GAREM1: variants seen among roughly 807,000 people sequenced by gnomAD.
The protein encoded by GAREM1 is GRB2-associated and regulator of MAPK protein 1.
A neutral mutation model predicts 71.3 loss-of-function variants in GAREM1; 26 were observed. That is an observed-to-expected ratio of 0.36 (90% CI 0.27 to 0.51). The LOEUF (loss-of-function observed/expected upper bound fraction) is 0.51, where lower values mean the gene tolerates loss of function less well. Ranked by LOEUF, GAREM1 falls within the 20% of genes least tolerant of loss-of-function variation. The probability of loss-of-function intolerance (pLI) is 0.95; values close to 1 mark genes in which losing one functional copy is unlikely to be tolerated. For missense variants in GAREM1, 1,026 were observed against 1,103.1 expected, an observed-to-expected ratio of 0.93 and a Z score of 0.99; for synonymous variants, 440 against 433.2, an observed-to-expected ratio of 1.02 and a Z score of -0.20.
At chr18:32,369,435 T>TACA (rs2047955991) in intron 2 of GAREM1, among the ~76,000 whole-genome samples, 4 of 152,196 alleles carry the variant, frequency 2.6e-5, no homozygotes, top group African/African-American at 9.7e-5. Context: ...TAAAAATGTG[T>TACA]ACATTTTATA....
At chr18:32,418,526 T>G (rs189930045) in intron 1 of GAREM1, among the ~76,000 whole-genome samples, 1 of 152,216 alleles carries the variant, frequency 6.6e-6, no homozygotes, top group East Asian at 1.9e-4. Context: ...TCACCAAGAA[T>G]TAACTCAGTA....
intron 2 of GAREM1, among the ~76,000 whole-genome samples, chr18:32,384,018 C>G (rs769238323): frequency 6.6e-6 from 1 of 152,128 alleles, no homozygotes; most frequent in Non-Finnish European, 1.5e-5. Flanking sequence ...CTCATATTCT[C>G]CCTTTCCATA....
At chr18:32,304,248 A>G (rs889617497) in intron 3 of GAREM1, among the ~76,000 whole-genome samples, 27 of 152,042 alleles carry the variant, frequency 1.8e-4, no homozygotes, top group Admixed American at 1.8e-3. Context: ...TGGGGGTTGC[A>G]GTGAGCTGAG....
At chr18:32,444,070 C>A (rs915732714) in intron 1 of GAREM1, among the ~76,000 whole-genome samples, 7 of 152,000 alleles carry the variant, frequency 4.6e-5, no homozygotes, top group Non-Finnish European at 8.8e-5. Flanking sequence ...GTAGGCAAAT[C>A]TACATGGACA....
intron 2 of GAREM1, chr18:32,331,627 G>A (rs748832934): frequency 3.3e-5 from 5 of 152,124 alleles, no homozygotes; most frequent in Admixed American, 1.3e-4. Context: ...GGGCCTCACC[G>A]TGTCTGATTC....
chr18:32,451,314 C>A (rs2048838951), intron 1 of GAREM1, among the ~76,000 whole-genome samples: 1 of 148,674 alleles, frequency 6.7e-6, no homozygotes, highest in Non-Finnish European at 1.5e-5. Context: ...TTTCTTATTC[C>A]CACAACTATT....
intron 3 of GAREM1, among the ~76,000 whole-genome samples, chr18:32,289,018 T>G (rs2047053768): frequency 6.6e-6 from 1 of 152,208 alleles, no homozygotes; most frequent in South Asian, 2.1e-4. Context: ...CTCAATTATT[T>G]CCTTAGGATA....
rs1052937669 is a variant in GAREM1, at chr18:32,378,051, T to C, written c.262+14844A>G. 4.8e-5 allele frequency among the ~76,000 whole-genome samples: 7 copies of C among 146,930 alleles called. No homozygotes were observed. The South Asian group carries it at 1.5e-3, about 31-fold the overall frequency. On this transcript the variant is annotated intron_variant, in intron 2 of 5. Coordinates refer to ENST00000269209, the MANE Select transcript of GAREM1 (RefSeq NM_001242409.2). Reference sequence around the variant, plus strand: ...GTGTGTGTGTGTGTGTGTGTGTGTGTGTGTGTGCGCGCGGGCGCTTTGGAG... The same window carrying C: ...GTGTGTGTGTGTGTGTGTGTGTGTGCGTGTGTGCGCGCGGGCGCTTTGGAG...
intron 1 of GAREM1, among the ~76,000 whole-genome samples, chr18:32,445,529 T>C (rs1178809685): frequency 6.6e-6 from 1 of 152,092 alleles, no homozygotes; most frequent in East Asian, 1.9e-4. Flanking sequence ...ATAAAATGAA[T>C]GGCATCAATA....
At chr18:32,369,331 G>A (rs2047955084) in intron 2 of GAREM1, among the ~76,000 whole-genome samples, 1 of 152,178 alleles carries the variant, frequency 6.6e-6, no homozygotes, top group African/African-American at 2.4e-5. Flanking sequence ...TAGTCAGAGA[G>A]TATTTCTGAA....
intron 1 of GAREM1, among the ~76,000 whole-genome samples, chr18:32,436,068 A>G (rs1279888206): frequency 1.3e-5 from 2 of 152,216 alleles, no homozygotes; most frequent in Admixed American, 1.3e-4. Context: ...CTTAGAGGCT[A>G]GCAGGAATAA....
chr18:32,442,347 T>C (rs1002085282), intron 1 of GAREM1, among the ~76,000 whole-genome samples: 4 of 152,152 alleles, frequency 2.6e-5, no homozygotes, highest in Non-Finnish European at 4.4e-5. Flanking sequence ...GTGAATTCAG[T>C]GCAAAAATTC....
At chr18:32,343,311 G>GTTTTTT (rs35086441) in intron 2 of GAREM1, among the ~76,000 whole-genome samples, 24 of 118,868 alleles carry the variant, frequency 2.0e-4, no homozygotes, top group African/African-American at 7.0e-4. Flanking sequence ...CTCCCCCACT[G>GTTTTTT]TTTTTTTTTT....
intron 1 of GAREM1, among the ~76,000 whole-genome samples, chr18:32,435,224 A>G (rs1360683869): frequency 6.6e-6 from 1 of 152,164 alleles, no homozygotes; most frequent in East Asian, 1.9e-4. Context: ...AGCTGAATGC[A>G]ATGTGGGATA....
chr18:32,289,337 T>C lies in GAREM1; in HGVS notation c.394-1134A>G, dbSNP rs182180132. 2.7e-4 allele frequency among the ~76,000 whole-genome samples: 41 copies of C among 152,360 alleles called. No individual in the cohort carries two copies. The East Asian group carries it at 7.7e-3, about 29-fold the overall frequency. On this transcript the variant is annotated intron_variant, in intron 3 of 5. Transcript: ENST00000269209. The stretch of plus-strand genomic sequence containing the variant: ...ATACTTTTATCACTTTATGAAATTA[T>C]GTCTCCCTACACTCACACTGAAGTT...
At chr18:32,454,494 C>A (rs2048869532) in intron 1 of GAREM1, among the ~76,000 whole-genome samples, 1 of 152,168 alleles carries the variant, frequency 6.6e-6, no homozygotes, top group African/African-American at 2.4e-5. Context: ...AGTAGTATAG[C>A]CAAATCTCAA....
Position 32,287,203 on chromosome 18 carries a change from T to C in GAREM1, c.1394A>G (p.His465Arg), listed in dbSNP as rs1488771283. The change falls in exon 4 of 6, where the codon CAT becomes CGT. Residue 465 changes from histidine to arginine, a missense_variant. By Grantham distance (29) the His-to-Arg change is conservative. This residue lies in a region of GAREM1 where 636 missense variants were observed against 631.2 expected (regional missense o/e 1.01). Transcript: ENST00000269209. The surrounding 1 kb of genome is among the most constrained non-coding windows in gnomAD (Gnocchi z 5.9). The stretch of plus-strand genomic sequence containing the variant: ...GCTCAGAGAGCGAGTGAGAGGCTGA[T>C]GGCTGGGCTTGCCTTCCTCCAGCCA... Reference protein sequence around the residue: ...ELWLEEGKPSHQPLTRSLSEK... With the variant: ...ELWLEEGKPSRQPLTRSLSEK... The C allele has an allele frequency of 6.2e-7, 1 of 1,614,264 alleles. No individual in the cohort carries two copies.
intron 2 of GAREM1, among the ~76,000 whole-genome samples, chr18:32,365,519 G>C (rs993166390): frequency 1.3e-5 from 2 of 152,114 alleles, no homozygotes; most frequent in African/African-American, 4.8e-5. Context: ...GATACCATAG[G>C]TAAATAACCT....
At chr18:32,385,571 T>G (rs1384161257) in intron 2 of GAREM1, among the ~76,000 whole-genome samples, 1 of 152,120 alleles carries the variant, frequency 6.6e-6, no homozygotes, top group Non-Finnish European at 1.5e-5. Context: ...AAGTCAAGTC[T>G]TATATATCTA....
Sources: allele counts gnomAD v4.1 joint callset (sites outside exome capture counted in the v4.1 genomes callset), GRCh38; gene constraint gnomAD v4.1.1; regional missense constraint gnomAD v4.1.1; non-coding constraint Gnocchi (gnomAD v3.1); transcripts MANE v1.5; gene names NCBI Gene and HGNC (gene_info 2026-07-23, HGNC 2026-07-21).